The following AOPEP variants were observed in gnomAD, a reference collection of about 807,000 sequenced individuals.
The protein encoded by AOPEP is aminopeptidase O.
A neutral mutation model predicts 98.1 loss-of-function variants in AOPEP; 77 were observed. The observed-to-expected ratio is 0.78, with a 90% CI of 0.65 to 0.95. AOPEP has a LOEUF of 0.95. Ranked by LOEUF, AOPEP falls within the 40% of genes least tolerant of loss-of-function variation. The pLI, the probability that AOPEP is intolerant of heterozygous loss-of-function variation, is 0.00. For missense variants in AOPEP, 1,024 were observed against 1,024.7 expected (o/e 1.00, Z 0.01); for synonymous variants, 346 against 365.3 (o/e 0.95, Z 0.60).
chr9:94,844,221 A>G (rs1411319025), intron 5 of AOPEP, among the ~76,000 whole-genome samples: 2 of 152,084 alleles, frequency 1.3e-5, no homozygotes, highest in African/African-American at 2.4e-5. Flanking sequence ...ATGCCCAGCT[A>G]ATTTTTCTGC....
At chr9:95,045,304 C>T (rs1418810021) in intron 13 of AOPEP, among the ~76,000 whole-genome samples, 1 of 152,224 alleles carries the variant, frequency 6.6e-6, no homozygotes, top group Admixed American at 6.5e-5. Flanking sequence ...GGGATGCGGG[C>T]TGGGGACGCC....
At chr9:95,116,731 C>T in the AOPEP span, among the ~76,000 whole-genome samples, 1 of 152,220 alleles carries the variant, frequency 6.6e-6, no homozygotes, top group East Asian at 1.9e-4. Flanking sequence ...CCTGGATCAA[C>T]ACCAGTCGAA....
intron 5 of AOPEP, among the ~76,000 whole-genome samples, chr9:94,917,933 C>G (rs1003173255): frequency 6.6e-6 from 1 of 152,176 alleles, no homozygotes; most frequent in Non-Finnish European, 1.5e-5. Flanking sequence ...GCTCCTTTCT[C>G]TGCTTCTTTC....
intron 6 of AOPEP, 115 bp downstream of exon 6, chr9:94,924,290 G>T (rs1331986556): frequency 9.9e-6 from 8 of 804,908 alleles, no homozygotes; most frequent in Non-Finnish European, 1.2e-5. Flanking sequence ...CACAAATTTT[G>T]CTGGGGAGAT....
At chr9:94,954,246 C>T (rs2058304112) in intron 7 of AOPEP, among the ~76,000 whole-genome samples, 1 of 152,160 alleles carries the variant, frequency 6.6e-6, no homozygotes, top group Non-Finnish European at 1.5e-5. Context: ...ATCATTTGAG[C>T]TCAGGAGGCA....
intron 5 of AOPEP, among the ~76,000 whole-genome samples, chr9:94,814,090 G>GGT (rs1378801800): frequency 6.6e-6 from 1 of 152,206 alleles, no homozygotes; most frequent in Non-Finnish European, 1.5e-5. Context: ...TATGTAGCAA[G>GGT]GTAGTCTGTT....
intron 5 of AOPEP, among the ~76,000 whole-genome samples, chr9:94,863,523 C>G (rs2045347243): frequency 1.3e-5 from 2 of 152,250 alleles, no homozygotes; most frequent in South Asian, 4.1e-4. Flanking sequence ...CTCAGGTGAT[C>G]CGCCTGCATG....
intron 1 of AOPEP, among the ~76,000 whole-genome samples, chr9:94,736,302 T>C (rs959112374): frequency 1.2e-4 from 18 of 152,300 alleles, no homozygotes; most frequent in Admixed American, 7.2e-4. Flanking sequence ...GCAGCTACTT[T>C]TTCTTCATAG....
the AOPEP span, among the ~76,000 whole-genome samples, chr9:95,133,171 A>G: frequency 6.6e-6 from 1 of 152,200 alleles, no homozygotes; most frequent in Non-Finnish European, 1.5e-5. Context: ...CCCTGCAATC[A>G]CTTAGCCACG....
intron 14 of AOPEP, among the ~76,000 whole-genome samples, chr9:95,075,859 A>G (rs961286116): frequency 1.3e-5 from 2 of 152,202 alleles, no homozygotes; most frequent in African/African-American, 2.4e-5. Flanking sequence ...TGACCGAACG[A>G]CACCCTGCCT....
the AOPEP span, among the ~76,000 whole-genome samples, chr9:95,130,735 G>A: frequency 5.3e-5 from 8 of 152,196 alleles, no homozygotes; most frequent in Non-Finnish European, 8.8e-5. Context: ...GGAAGCCCTT[G>A]TTGTTAATAT....
downstream of AOPEP, among the ~76,000 whole-genome samples, chr9:95,090,541 G>A (rs1363502143): frequency 1.3e-5 from 2 of 152,096 alleles, no homozygotes; most frequent in Non-Finnish European, 1.5e-5. Flanking sequence ...CAGCCCAGAG[G>A]GCCCCCCCTT....
chr9:94,930,213 A>C lies in AOPEP; in HGVS notation c.1661+1682A>C, dbSNP rs947957851. Among the ~76,000 whole-genome samples, 22 of 152,150 alleles carry C rather than the reference A, an allele frequency of 1.4e-4. No individual in the cohort carries two copies. Among genetic ancestry groups the C allele is most frequent in the African/African-American group, 5.3e-4 (22 of 41,426 alleles). On this transcript the variant is annotated intron_variant, in intron 7 of 16. Transcript: ENST00000375315. This position sits in a 1 kb window ranked among gnomAD's most constrained non-coding sequence, Gnocchi z 4.5. ...CAGATGCAAGACGCAGACCTATTTGAAATGTGTTTTGGCTGTGGAACGGGC... is the reference window on the plus strand; with the variant it reads ...CAGATGCAAGACGCAGACCTATTTGCAATGTGTTTTGGCTGTGGAACGGGC...
the AOPEP span, among the ~76,000 whole-genome samples, chr9:95,118,376 C>G: frequency 1.3e-5 from 2 of 152,208 alleles, no homozygotes; most frequent in African/African-American, 4.8e-5. Context: ...TTTCGAGGGC[C>G]AAAGAGCTAC....
intron 3 of AOPEP, among the ~76,000 whole-genome samples, chr9:94,789,309 C>T (rs980424134): frequency 6.6e-5 from 10 of 152,192 alleles, no homozygotes; most frequent in African/African-American, 2.4e-4. Context: ...TACCTGAAAG[C>T]CTCACCATTG....
chr9:94,737,492 C>T (rs1167108830), intron 1 of AOPEP, among the ~76,000 whole-genome samples: 1 of 152,114 alleles, frequency 6.6e-6, no homozygotes, highest in East Asian at 1.9e-4. Context: ...AGAATGGTTT[C>T]TGGATTGTAT....
At chr9:94,913,439 A>T (rs1361919249) in intron 5 of AOPEP, among the ~76,000 whole-genome samples, 1 of 152,156 alleles carries the variant, frequency 6.6e-6, no homozygotes, top group Non-Finnish European at 1.5e-5. Flanking sequence ...TAAGAAGGAT[A>T]TTGTCTCCTT....
chr9:95,116,205 C>T, the AOPEP span, among the ~76,000 whole-genome samples: 272 of 152,332 alleles, frequency 1.8e-3, 1 homozygote, highest in African/African-American at 6.4e-3. Flanking sequence ...GCTCACTCAG[C>T]GTCCCCTGTT....
intron 13 of AOPEP, among the ~76,000 whole-genome samples, chr9:95,041,049 CAA>C (rs34241267): frequency 2.8e-5 from 4 of 144,146 alleles, no homozygotes; most frequent in African/African-American, 7.7e-5. Context: ...CTCCACACTC[CAA>C]AAAAAAAAAA....
Sources: gnomAD v4.1 joint callset for allele counts (sites outside exome capture counted in the v4.1 genomes callset) on GRCh38, gnomAD v4.1.1 for gene constraint, Gnocchi (gnomAD v3.1) non-coding constraint, MANE v1.5 for transcripts, NCBI Gene and HGNC (gene_info 2026-07-23, HGNC 2026-07-21) for gene names.